SCAI: variants seen among roughly 807,000 people sequenced by gnomAD.
SCAI encodes suppressor of cancer cell invasion, also known as protein SCAI.
A neutral mutation model predicts 92.2 loss-of-function variants in SCAI; 24 were observed. That is an observed-to-expected ratio of 0.26 (90% CI 0.19 to 0.37). SCAI has a LOEUF of 0.37. SCAI is among the 10% of genes least tolerant of loss of function. The pLI is 1.00. For missense variants in SCAI, 450 were observed against 736.2 expected, an observed-to-expected ratio of 0.61 and a Z score of 4.50; for synonymous variants, 261 against 258.6, an observed-to-expected ratio of 1.01 and a Z score of -0.09.
At chr9:125,021,849 T>C (rs779055235) in intron 6 of SCAI, among the ~76,000 whole-genome samples, 8 of 152,188 alleles carry the variant, frequency 5.3e-5, no homozygotes, top group Non-Finnish European at 1.5e-5. Flanking sequence ...CAAGGAATCC[T>C]CTTGCCTCAG....
intron 2 of SCAI, among the ~76,000 whole-genome samples, chr9:125,116,556 T>G (rs1342683083): frequency 6.6e-6 from 1 of 152,104 alleles, no homozygotes; most frequent in Non-Finnish European, 1.5e-5. Context: ...AATTTTTTAT[T>G]ACAAGTAAAA....
chr9:124,963,923 G>C (rs1054698416), intron 17 of SCAI, among the ~76,000 whole-genome samples: 9 of 151,932 alleles, frequency 5.9e-5, no homozygotes, highest in African/African-American at 2.2e-4. Context: ...GCTGTCTCAG[G>C]GGTGGCAGAG....
At position 124,951,956 on chromosome 9, in the gene SCAI, AG is replaced by A. The variant is rs1201746852; in HGVS notation, c.*850del. Reference sequence around the variant, plus strand: ...CTTTGAAGTCTCATAAATTTGAATGAGGCAAAAAATTAAAACTTTATGTCAC... The same window carrying A: ...CTTTGAAGTCTCATAAATTTGAATGAGCAAAAAATTAAAACTTTATGTCAC... On this transcript the variant is annotated 3_prime_UTR_variant, in exon 18 of 18. Coordinates refer to ENST00000336505, the MANE Select transcript of SCAI (RefSeq NM_001144877.3). 6.6e-6 allele frequency: 1 copy of A among 152,228 alleles called. No individual in the cohort carries two copies. Among genetic ancestry groups the A allele is most frequent in the Non-Finnish European group, 1.5e-5 (1 of 68,028 alleles). The allele number at this position is 152,228 out of a possible 1,614,324, so 9.4% of individuals were successfully genotyped here. A position where few individuals can be genotyped will look rare whatever the true frequency, so the allele number is the denominator to read the frequency against.
intron 2 of SCAI, among the ~76,000 whole-genome samples, chr9:125,082,575 C>T (rs1329538533): frequency 1.3e-5 from 2 of 152,224 alleles, no homozygotes; most frequent in Non-Finnish European, 2.9e-5. Context: ...AAACTCAATG[C>T]CAGCCCATGA....
chr9:125,101,184 A>G (rs1834670676), intron 2 of SCAI, among the ~76,000 whole-genome samples: 1 of 152,212 alleles, frequency 6.6e-6, no homozygotes, highest in South Asian at 2.1e-4. Flanking sequence ...TAGGCCACTG[A>G]AAAGCCTTCA....
At chr9:125,104,712 G>A (rs1204304256) in intron 2 of SCAI, among the ~76,000 whole-genome samples, 1 of 151,692 alleles carries the variant, frequency 6.6e-6, no homozygotes, top group Non-Finnish European at 1.5e-5. Flanking sequence ...GACCAGCCTG[G>A]CCAAGATGGT....
At chr9:124,997,942 C>T (rs1425451720) in intron 13 of SCAI, among the ~76,000 whole-genome samples, 1 of 150,446 alleles carries the variant, frequency 6.6e-6, no homozygotes, top group African/African-American at 2.4e-5. Flanking sequence ...ATTCTATTTG[C>T]TTTTGTATTT....
intron 14 of SCAI, among the ~76,000 whole-genome samples, chr9:124,977,940 AAATT>A (rs753675390): frequency 3.3e-5 from 5 of 152,202 alleles, no homozygotes; most frequent in Non-Finnish European, 7.3e-5. Flanking sequence ...TAAATGTAAA[AAATT>A]AAATAATAAA....
At chr9:125,043,098 C>A (rs1402642239) in intron 3 of SCAI, among the ~76,000 whole-genome samples, 1 of 151,926 alleles carries the variant, frequency 6.6e-6, no homozygotes, top group Non-Finnish European at 1.5e-5. Context: ...GAACTCCTGA[C>A]GTCAAGTGAT....
At chr9:125,016,547 T>C (rs188202257) in intron 9 of SCAI, among the ~76,000 whole-genome samples, 2 of 152,150 alleles carry the variant, frequency 1.3e-5, no homozygotes, top group African/African-American at 4.8e-5. Flanking sequence ...CGAGGCCTAT[T>C]AAAATGCCAT....
In SCAI at chr9:125,073,205, C is replaced by T. The variant is rs552688824; in HGVS notation, c.99-17198G>A. Among the ~76,000 whole-genome samples the T allele has an allele frequency of 1.2e-4, 17 of 144,884 alleles. No homozygotes were observed. The South Asian group carries it at 3.2e-3, about 27-fold the overall frequency. On this transcript the variant is annotated intron_variant, in intron 2 of 17. Coordinates refer to ENST00000336505, the MANE Select transcript of SCAI (RefSeq NM_001144877.3). ...CTGCAAGCTCCGCCTCCCGGGTTCA[C>T]GCCATTCTCCTGCCTCAGCCTCCCG...
chr9:124,953,313 G>A (rs1034082337), intron 17 of SCAI, among the ~76,000 whole-genome samples: 3 of 152,038 alleles, frequency 2.0e-5, no homozygotes, highest in African/African-American at 7.2e-5. Context: ...TAAATAAAAA[G>A]ATATTGCTTT....
At chr9:125,046,316 T>C (rs28437737) in intron 3 of SCAI, among the ~76,000 whole-genome samples, 15,088 of 70,678 alleles carry the variant, frequency 0.21, 1,682 homozygotes, top group African/African-American at 0.29. Flanking sequence ...CATATATATA[T>C]ACACACACAC....
At chr9:125,070,198 T>C (rs1474848195) in intron 2 of SCAI, among the ~76,000 whole-genome samples, 1 of 152,114 alleles carries the variant, frequency 6.6e-6, no homozygotes, top group Non-Finnish European at 1.5e-5. Context: ...TGTGTGTATA[T>C]GTGAGGGGTG....
At chr9:125,132,364 G>A (rs540581897) in intron 2 of SCAI, among the ~76,000 whole-genome samples, 6 of 152,012 alleles carry the variant, frequency 3.9e-5, no homozygotes, top group Middle Eastern at 3.4e-3. Context: ...CACCCACCTC[G>A]GCCGTCCAAA....
chr9:125,043,104 G>A (rs1175749645), intron 3 of SCAI, among the ~76,000 whole-genome samples: 4 of 151,846 alleles, frequency 2.6e-5, no homozygotes, highest in Non-Finnish European at 5.9e-5. Context: ...CTGACGTCAA[G>A]TGATCCACCT....
intron 3 of SCAI, among the ~76,000 whole-genome samples, chr9:125,038,702 A>T (rs933862872): frequency 2.6e-5 from 4 of 152,186 alleles, no homozygotes; most frequent in Non-Finnish European, 5.9e-5. Context: ...ATACTGAGAG[A>T]TCATCTGCAG....
In SCAI at chr9:124,947,269, T is replaced by TA. The variant is rs1356980814; in HGVS notation, c.*5537dup. 6.6e-6 allele frequency: 1 copy of TA among 152,148 alleles called. No homozygotes were observed. The highest frequency in any genetic ancestry group is 2.4e-5 in the African/African-American group (1 of 41,412). The allele number at this position is 152,148 out of a possible 1,614,324, so 9.4% of individuals were successfully genotyped here. A position where few individuals can be genotyped will look rare whatever the true frequency, so the allele number is the denominator to read the frequency against. ...AATACTTAAATATGGATCAAGAAAA[T>TA]AAAGGACTACTACAGCCTAAGAATC... On this transcript the variant is annotated 3_prime_UTR_variant, in exon 18 of 18. Transcript: ENST00000336505.
chr9:125,117,571 C>G (rs1835072189), intron 2 of SCAI, among the ~76,000 whole-genome samples: 1 of 142,832 alleles, frequency 7.0e-6, no homozygotes, highest in Non-Finnish European at 1.5e-5. Context: ...GAGGGTGAGA[C>G]AGGAGAAATG....
Sources: allele counts gnomAD v4.1 joint callset (sites outside exome capture counted in the v4.1 genomes callset), GRCh38; gene constraint gnomAD v4.1.1; transcripts MANE v1.5; gene names NCBI Gene and HGNC (gene_info 2026-07-23, HGNC 2026-07-21).